Variants in ERC2 observed in about 807,000 individuals in gnomAD.
ERC2 encodes ERC protein 2.
In ERC2, 42 loss-of-function variants were observed where a neutral mutation model predicts 114.8. The observed-to-expected ratio is 0.37, with a 90% CI of 0.29 to 0.47. The LOEUF (loss-of-function observed/expected upper bound fraction) is 0.47, where lower values mean the gene tolerates loss of function less well. ERC2 is among the 20% of genes least tolerant of loss of function. The pLI is 0.99. For synonymous variants in ERC2, 454 were observed against 425.5 expected (o/e 1.07, Z -0.82); for missense variants, 939 against 1,150.7 (o/e 0.82, Z 2.66).
At chr3:55,967,155 A>G (rs1037523833) in intron 12 of ERC2, among the ~76,000 whole-genome samples, 1 of 152,190 alleles carries the variant, frequency 6.6e-6, no homozygotes, top group Non-Finnish European at 1.5e-5. Flanking sequence ...AGAAATAACT[A>G]AAGTTTTCGA....
chr3:56,212,291 A>T (rs1398305328), intron 3 of ERC2, among the ~76,000 whole-genome samples: 1 of 152,208 alleles, frequency 6.6e-6, no homozygotes, highest in Non-Finnish European at 1.5e-5. Flanking sequence ...AAGTGGGCTA[A>T]GGACATGAAC....
chr3:55,929,970 T>A (rs1171894020), intron 13 of ERC2, among the ~76,000 whole-genome samples: 1 of 152,216 alleles, frequency 6.6e-6, no homozygotes, highest in African/African-American at 2.4e-5. Flanking sequence ...CTGGACACCA[T>A]GGCTCATGCC....
intron 17 of ERC2, among the ~76,000 whole-genome samples, chr3:55,547,179 ACTCTGCTGATGCCCAGGGCTGTC>A (rs960840682): frequency 6.6e-6 from 1 of 152,192 alleles, no homozygotes; most frequent in African/African-American, 2.4e-5. Context: ...CTGTCTTGGC[ACTCTGCTGATGCCCAGGGCTGTC>A]CTCGACTTGC....
intron 13 of ERC2, among the ~76,000 whole-genome samples, chr3:55,900,884 C>T (rs2064099436): frequency 6.6e-6 from 1 of 152,136 alleles, no homozygotes; most frequent in South Asian, 2.1e-4. Context: ...CTCACATATT[C>T]CCAAAGAAGC....
chr3:56,016,691 C>T (rs2073335294), intron 8 of ERC2, among the ~76,000 whole-genome samples: 1 of 152,040 alleles, frequency 6.6e-6, no homozygotes, highest in Admixed American at 6.6e-5. Context: ...CTTTAGGATA[C>T]ACTGGCCTAG....
chr3:56,045,005 A>G (rs1576689508), intron 7 of ERC2, among the ~76,000 whole-genome samples: 1 of 152,338 alleles, frequency 6.6e-6, no homozygotes, highest in African/African-American at 2.4e-5. Flanking sequence ...CATGTGCTAG[A>G]AATAGAAACC....
chr3:55,937,521 A>T (rs2066520217), intron 13 of ERC2, among the ~76,000 whole-genome samples: 1 of 152,230 alleles, frequency 6.6e-6, no homozygotes, highest in African/African-American at 2.4e-5. Context: ...ACTGGGGTCA[A>T]ACCTCTCAGA....
chr3:56,081,563 G>GA (rs542637918), intron 6 of ERC2, among the ~76,000 whole-genome samples: 2,008 of 143,674 alleles, frequency 0.014, 37 homozygotes, highest in African/African-American at 0.032. Context: ...TACTTTTAAA[G>GA]AAAAAAAAAG....
intron 17 of ERC2, among the ~76,000 whole-genome samples, chr3:55,523,260 G>GAACTT (rs971156532): frequency 2.6e-5 from 4 of 152,252 alleles, no homozygotes; most frequent in African/African-American, 9.6e-5. Flanking sequence ...TTGCTACGGA[G>GAACTT]AACTTGCTTG....
chr3:55,899,262 C>A (rs1420070398), intron 13 of ERC2, among the ~76,000 whole-genome samples: 1 of 152,084 alleles, frequency 6.6e-6, no homozygotes, highest in Non-Finnish European at 1.5e-5. Flanking sequence ...ACTATTTGAT[C>A]TGATGATTCT....
At chr3:56,066,150 T>C (rs1296996860) in intron 7 of ERC2, among the ~76,000 whole-genome samples, 4 of 152,224 alleles carry the variant, frequency 2.6e-5, no homozygotes, top group African/African-American at 9.6e-5. Context: ...TGAACTAATT[T>C]ACATTCCCAT....
intron 6 of ERC2, among the ~76,000 whole-genome samples, chr3:56,135,386 A>G (rs1338745233): frequency 6.6e-6 from 1 of 152,232 alleles, no homozygotes; most frequent in East Asian, 1.9e-4. Context: ...CTATAAATGC[A>G]CATACCAAAA....
chr3:55,546,805 C>T (rs900138737), intron 17 of ERC2, among the ~76,000 whole-genome samples: 3 of 152,206 alleles, frequency 2.0e-5, no homozygotes, highest in Non-Finnish European at 4.4e-5. Flanking sequence ...CTCCTCCCCA[C>T]CCCTAACCCA....
intron 13 of ERC2, among the ~76,000 whole-genome samples, chr3:55,949,295 G>A (rs1316068059): frequency 3.3e-5 from 5 of 152,182 alleles, no homozygotes; most frequent in South Asian, 2.1e-4. Flanking sequence ...GTGTGAACCC[G>A]GGAGGTGGAG....
chr3:55,895,399 A>C (rs2063795723), intron 13 of ERC2, among the ~76,000 whole-genome samples: 2 of 152,152 alleles, frequency 1.3e-5, no homozygotes. Context: ...CTCCCCTTTA[A>C]AGTGGAGAGG....
At chr3:55,733,467 C>CAA (rs771658697) in intron 15 of ERC2, among the ~76,000 whole-genome samples, 6 of 38,132 alleles carry the variant, frequency 1.6e-4, no homozygotes, top group Non-Finnish European at 4.4e-4. Flanking sequence ...CTCTCTCTCA[C>CAA]ACACACACAC....
intron 14 of ERC2, among the ~76,000 whole-genome samples, chr3:55,827,427 A>AGAGG (rs1245200258): frequency 1.3e-5 from 2 of 151,684 alleles, no homozygotes; most frequent in African/African-American, 4.8e-5. Context: ...GGAAGAAAAG[A>AGAGG]GAGGGAGGGA....
chr3:55,732,885 G>A (rs999521636), intron 15 of ERC2, among the ~76,000 whole-genome samples: 1 of 152,146 alleles, frequency 6.6e-6, no homozygotes. Context: ...TGGCCATAGA[G>A]TACTGGAAAT....
At chr3:55,713,275 G>C (rs4955867) in intron 15 of ERC2, among the ~76,000 whole-genome samples, 38,923 of 151,676 alleles carry the variant, frequency 0.26, 5,772 homozygotes, top group African/African-American at 0.38. Flanking sequence ...CAATGGGGCA[G>C]TCTTGGCTCA....
Sources: gnomAD v4.1 joint callset for allele counts (sites outside exome capture counted in the v4.1 genomes callset) on GRCh38, gnomAD v4.1.1 for gene constraint, MANE v1.5 for transcripts, NCBI Gene and HGNC (gene_info 2026-07-23, HGNC 2026-07-21) for gene names.